MAP2: variants seen among roughly 807,000 people sequenced by gnomAD.
MAP2 encodes the protein microtubule-associated protein 2.
A neutral mutation model predicts 137.6 loss-of-function variants in MAP2; 14 were observed. That is an observed-to-expected ratio of 0.10 (90% CI 0.07 to 0.16). The LOEUF (loss-of-function observed/expected upper bound fraction) is 0.16, where lower values mean the gene tolerates loss of function less well. MAP2 is among the 10% of genes least tolerant of loss of function. The pLI is 1.00. For synonymous variants in MAP2, 786 were observed against 782.3 expected, an observed-to-expected ratio of 1.00 and a Z score of -0.08; for missense variants, 2,088 against 2,191.5, an observed-to-expected ratio of 0.95 and a Z score of 0.94.
At position 209,483,830 on chromosome 2, in the gene MAP2, C is replaced by T. The variant is rs1300637653; in HGVS notation, c.-221-23762C>T. ...GCACACACCATTTACTTTCATCCAT[C>T]CTTTCATCATGGGGAAGATTAAATG... On this transcript the variant is annotated intron_variant, in intron 1 of 15. Coordinates refer to ENST00000682079, the MANE Select transcript of MAP2 (RefSeq NM_001375505.1). Among the ~76,000 whole-genome samples, 9 of 152,134 alleles carry T rather than the reference C, an allele frequency of 5.9e-5. No individual in the cohort carries two copies. In the East Asian group the frequency reaches 1.5e-3, roughly 26 times the overall value.
At chr2:209,593,866 T>A (rs2080382617) in intron 3 of MAP2, among the ~76,000 whole-genome samples, 7 of 111,184 alleles carry the variant, frequency 6.3e-5, no homozygotes, top group South Asian at 2.4e-4. Context: ...AAATATATAT[T>A]TATATTATAA....
chr2:209,431,215 A>G (rs1396910519), intron 1 of MAP2, among the ~76,000 whole-genome samples: 1 of 152,150 alleles, frequency 6.6e-6, no homozygotes, highest in Non-Finnish European at 1.5e-5. Context: ...AAAGTTCTCC[A>G]TTAAAAAAAT....
intron 13 of MAP2, among the ~76,000 whole-genome samples, chr2:209,720,098 A>G (rs1317768436): frequency 6.6e-6 from 1 of 152,228 alleles, no homozygotes; most frequent in Non-Finnish European, 1.5e-5. Flanking sequence ...TCTGGCCAAA[A>G]TGTAAAGTAA....
intron 1 of MAP2, among the ~76,000 whole-genome samples, chr2:209,460,557 C>G (rs1345915730): frequency 6.6e-6 from 1 of 151,514 alleles, no homozygotes; most frequent in Non-Finnish European, 1.5e-5. Context: ...CCTTTTCTTT[C>G]CTTCCTTCCC....
chr2:209,690,631 T>C, intron 7 of MAP2: 1 of 1,289,056 alleles, frequency 7.8e-7, no homozygotes, highest in South Asian at 1.2e-5. Flanking sequence ...GTCGGATGGC[T>C]GAGGAAGAGA....
intron 1 of MAP2, among the ~76,000 whole-genome samples, chr2:209,442,577 C>T (rs1350242525): frequency 1.3e-5 from 2 of 151,618 alleles, no homozygotes; most frequent in Non-Finnish European, 3.0e-5. Context: ...TTTCTGTTTA[C>T]ACTTTCACTG....
At chr2:209,690,667 G>C in intron 7 of MAP2, 3 of 1,289,806 alleles carry the variant, frequency 2.3e-6, no homozygotes, top group Non-Finnish European at 3.0e-6. Context: ...CTGAGAAAGA[G>C]TGTGGGGCTG....
chr2:209,530,813 T>A (rs2064997740), intron 2 of MAP2, among the ~76,000 whole-genome samples: 1 of 152,182 alleles, frequency 6.6e-6, no homozygotes, highest in Admixed American at 6.5e-5. Flanking sequence ...CCAGGTCACA[T>A]AGATAATAAC....
chr2:209,728,283 A>G (rs553017873), intron 14 of MAP2, among the ~76,000 whole-genome samples: 4 of 152,344 alleles, frequency 2.6e-5, no homozygotes, highest in African/African-American at 9.6e-5. Flanking sequence ...AAAGTCCAGT[A>G]TCCTCTAACC....
At chr2:209,623,061 AT>A (rs1275650034) in intron 3 of MAP2, among the ~76,000 whole-genome samples, 1 of 151,980 alleles carries the variant, frequency 6.6e-6, no homozygotes, top group Non-Finnish European at 1.5e-5. Context: ...AAAAGACAGG[AT>A]TTTTTTTAGT....
chr2:209,590,105 A>G (rs1254049990), intron 3 of MAP2, among the ~76,000 whole-genome samples: 1 of 152,104 alleles, frequency 6.6e-6, no homozygotes, highest in East Asian at 1.9e-4. Flanking sequence ...CCTCTTCCTC[A>G]GTTCTCCTTT....
In MAP2 at chr2:209,710,123, C is replaced by A. The variant is rs1318162652; in HGVS notation, c.4942C>A (p.Arg1648Ser). The part of the protein sequence containing the change: ...VPSEKKVAII[R>S]TPPKSPATPK... ...GAGTGAGAAGAAGGTCGCCATCATA[C>A]GTACTCCTCCAAAATCTCCTGCGAC... The change falls in exon 13 of 16, where the codon CGT becomes AGT. Residue 1648 changes from arginine (R) to serine (S), a missense_variant. Transcript: ENST00000682079. 1 of 1,614,054 alleles carries A rather than the reference C, an allele frequency of 6.2e-7. No homozygotes were observed. Among genetic ancestry groups the A allele is most frequent in the African/African-American group, 1.3e-5 (1 of 75,002 alleles).
intron 2 of MAP2, among the ~76,000 whole-genome samples, chr2:209,523,955 A>T (rs2063647872): frequency 6.6e-6 from 1 of 152,178 alleles, no homozygotes; most frequent in African/African-American, 2.4e-5. Context: ...TAGACAAACA[A>T]AAGTTACATT....
At chr2:209,703,030 A>G (rs1194503050) in intron 11 of MAP2, among the ~76,000 whole-genome samples, 2 of 152,106 alleles carry the variant, frequency 1.3e-5, no homozygotes, top group African/African-American at 4.8e-5. Context: ...AAAGCCATAC[A>G]TCCTTCCCAA....
At chr2:209,639,216 G>C (rs2093813860) in intron 4 of MAP2, among the ~76,000 whole-genome samples, 1 of 152,036 alleles carries the variant, frequency 6.6e-6, no homozygotes, top group Non-Finnish European at 1.5e-5. Context: ...CATCATATGT[G>C]ACTGGACCAC....
intron 13 of MAP2, among the ~76,000 whole-genome samples, chr2:209,720,509 G>C (rs2070007903): frequency 6.6e-6 from 1 of 151,826 alleles, no homozygotes; most frequent in Non-Finnish European, 1.5e-5. Context: ...CATGGTGGCG[G>C]GCGCCTGTAG....
chr2:209,468,474 C>G (rs1443034611), intron 1 of MAP2, among the ~76,000 whole-genome samples: 1 of 151,748 alleles, frequency 6.6e-6, no homozygotes, highest in Non-Finnish European at 1.5e-5. Flanking sequence ...GCGCCCACCA[C>G]CACGCCCGGC....
At chr2:209,569,637 G>A (rs2074063901) in intron 2 of MAP2, among the ~76,000 whole-genome samples, 1 of 151,726 alleles carries the variant, frequency 6.6e-6, no homozygotes, top group South Asian at 2.1e-4. Flanking sequence ...AAACTTCATG[G>A]AAAGAATAGA....
intron 5 of MAP2, among the ~76,000 whole-genome samples, chr2:209,674,338 T>G (rs768024661): frequency 1.4e-4 from 22 of 151,808 alleles, no homozygotes; most frequent in Non-Finnish European, 2.4e-4. Flanking sequence ...AGTTTTTATT[T>G]TATTTGTATT....
Sources: allele counts gnomAD v4.1 joint callset (sites outside exome capture counted in the v4.1 genomes callset), GRCh38; gene constraint gnomAD v4.1.1; transcripts MANE v1.5; gene names NCBI Gene and HGNC (gene_info 2026-07-23, HGNC 2026-07-21).